The following SHISA9 variants were observed in gnomAD, a reference collection of about 807,000 sequenced individuals.
SHISA9 encodes protein shisa-9.
A neutral mutation model predicts 38.0 loss-of-function variants in SHISA9; 13 were observed. That is an observed-to-expected ratio of 0.34 (90% CI 0.22 to 0.54). The LOEUF (loss-of-function observed/expected upper bound fraction) is 0.54. SHISA9 is among the 20% of genes least tolerant of loss of function. SHISA9 has a pLI of 0.91. For missense variants in SHISA9, 538 were observed against 575.8 expected (o/e 0.93, Z 0.67); for synonymous variants, 275 against 242.0 (o/e 1.14, Z -1.27).
rs115122297 is a variant in SHISA9 at position 13,212,285 on chromosome 16, A to C, written c.848-968A>C. On this transcript the variant is annotated intron_variant, in intron 3 of 4. Coordinates refer to ENST00000558583, the MANE Select transcript of SHISA9 (RefSeq NM_001145204.3). ...ACGCTGATTGGCCAGGTCTCCAGCC[A>C]ATGAGGAGAGGTCTCGTGGGTAGGG... Among the ~76,000 whole-genome samples, 197 of 152,300 alleles carry C rather than the reference A, an allele frequency of 1.3e-3. 1 individual carries two copies. Among genetic ancestry groups the C allele is most frequent in the African/African-American group, 4.6e-3 (191 of 41,560 alleles).
the SHISA9 span, among the ~76,000 whole-genome samples, chr16:13,448,797 C>G: frequency 6.6e-6 from 1 of 152,222 alleles, no homozygotes; most frequent in Non-Finnish European, 1.5e-5. Context: ...TCTCAAATGT[C>G]AAATAAAAAT....
At chr16:13,326,706 G>A in the SHISA9 span, among the ~76,000 whole-genome samples, 1 of 152,246 alleles carries the variant, frequency 6.6e-6, no homozygotes. Flanking sequence ...GGGAGATGAA[G>A]CAAGGCGCCT....
chr16:13,491,100 C>A, the SHISA9 span, among the ~76,000 whole-genome samples: 1 of 152,290 alleles, frequency 6.6e-6, no homozygotes, highest in African/African-American at 2.4e-5. Flanking sequence ...GCTCTATTGT[C>A]TCCATTCTTT....
chr16:13,106,973 T>G (rs2073931075), intron 2 of SHISA9, among the ~76,000 whole-genome samples: 1 of 62,830 alleles, frequency 1.6e-5, no homozygotes, highest in African/African-American at 6.1e-5. Flanking sequence ...ACGTTCTCTC[T>G]CTCTCTCTCT....
chr16:13,203,451 A>T lies in SHISA9; in HGVS notation c.749A>T (p.His250Leu). ...PTSPLLQQMG[H>L]PHSYPNLGQI... is the part of the protein sequence containing the mutation. ...TCTCCTCTGCTCCAGCAGATGGGCC[A>T]TCCACATTCGTACCCGAACCTGGGC... The change falls in exon 3 of 5, where the codon CAT (histidine) becomes CTT (leucine). Residue 250 changes from histidine (H) to leucine (L), a missense_variant. Coordinates refer to ENST00000558583, the MANE Select transcript of SHISA9 (RefSeq NM_001145204.3). 6.4e-7 allele frequency: 1 copy of T among 1,551,168 alleles called. No homozygotes were observed. Among genetic ancestry groups the T allele is most frequent in the Non-Finnish European group, 8.7e-7 (1 of 1,146,654 alleles).
the SHISA9 span, among the ~76,000 whole-genome samples, chr16:13,309,540 G>A: frequency 1.3e-5 from 2 of 151,546 alleles, no homozygotes; most frequent in Non-Finnish European, 1.5e-5. Context: ...CTACTTGGGA[G>A]GCTGAGGCAT....
downstream of SHISA9, among the ~76,000 whole-genome samples, chr16:13,244,293 C>A (rs897352926): frequency 5.9e-5 from 9 of 152,114 alleles, no homozygotes. Context: ...ACAGTTGGCC[C>A]TTGAACAACA....
At chr16:12,917,293 T>G (rs1382957144) in intron 2 of SHISA9, among the ~76,000 whole-genome samples, 1 of 152,256 alleles carries the variant, frequency 6.6e-6, no homozygotes, top group Admixed American at 6.5e-5. Context: ...AGAAGAATTA[T>G]GTCTATTCTT....
At chr16:13,052,176 C>G (rs1235058227) in intron 2 of SHISA9, among the ~76,000 whole-genome samples, 1 of 151,856 alleles carries the variant, frequency 6.6e-6, no homozygotes, top group East Asian at 1.9e-4. Context: ...AATAATAATC[C>G]AAGAAAAGAA....
chr16:13,129,855 T>C (rs2050292246), intron 2 of SHISA9, among the ~76,000 whole-genome samples: 1 of 152,200 alleles, frequency 6.6e-6, no homozygotes, highest in African/African-American at 2.4e-5. Flanking sequence ...TCTATTGCTC[T>C]ACTTGTGTGC....
chr16:13,367,712 G>GCGCGCACACACACACA, the SHISA9 span, among the ~76,000 whole-genome samples: 17 of 104,640 alleles, frequency 1.6e-4, no homozygotes, highest in Admixed American at 1.0e-3. Context: ...GCGCGCGCGC[G>GCGCGCACACACACACA]CACACACACA....
chr16:12,953,670 A>T (rs1279033598), intron 2 of SHISA9, among the ~76,000 whole-genome samples: 1 of 152,164 alleles, frequency 6.6e-6, no homozygotes, highest in African/African-American at 2.4e-5. Flanking sequence ...TAGATAAGAT[A>T]TTGTGTCAGT....
At chr16:13,367,974 T>C in the SHISA9 span, among the ~76,000 whole-genome samples, 1 of 152,190 alleles carries the variant, frequency 6.6e-6, no homozygotes, top group Admixed American at 6.5e-5. Flanking sequence ...GTTACATATG[T>C]ATACATGTGC....
the SHISA9 span, among the ~76,000 whole-genome samples, chr16:13,539,777 T>TG: frequency 6.6e-6 from 1 of 152,152 alleles, no homozygotes; most frequent in Non-Finnish European, 1.5e-5. Flanking sequence ...ATGGCCCTGA[T>TG]GTCTATCATT....
intron 3 of SHISA9, among the ~76,000 whole-genome samples, chr16:13,212,800 CTAA>C (rs900023005): frequency 7.9e-5 from 12 of 152,158 alleles, no homozygotes; most frequent in African/African-American, 2.9e-4. Flanking sequence ...GAATCTGGGG[CTAA>C]TAATGTGCCC....
At chr16:12,902,947 T>G in intron 1 of SHISA9, 1 of 302,156 alleles carries the variant, frequency 3.3e-6, no homozygotes, top group African/African-American at 2.2e-5. Context: ...TGGGAGCCCG[T>G]GGCCCCGAAA....
intron 2 of SHISA9, among the ~76,000 whole-genome samples, chr16:12,970,817 C>A (rs1394676362): frequency 6.6e-6 from 1 of 151,966 alleles, no homozygotes; most frequent in Non-Finnish European, 1.5e-5. Flanking sequence ...AGCCACCGCG[C>A]CTGGCCGGGG....
the SHISA9 span, among the ~76,000 whole-genome samples, chr16:13,464,850 A>C: frequency 6.7e-6 from 1 of 148,874 alleles, no homozygotes. Flanking sequence ...TTTACAGTTC[A>C]GAAAAATAAA....
At chr16:13,220,481 A>G (rs1474261707) in intron 4 of SHISA9, among the ~76,000 whole-genome samples, 1 of 152,206 alleles carries the variant, frequency 6.6e-6, no homozygotes, top group African/African-American at 2.4e-5. Context: ...TTAATCTAAC[A>G]TAGGATCCCA....
Sources: allele counts gnomAD v4.1 joint callset (sites outside exome capture counted in the v4.1 genomes callset), GRCh38; gene constraint gnomAD v4.1.1; transcripts MANE v1.5; gene names NCBI Gene and HGNC (gene_info 2026-07-23, HGNC 2026-07-21).